OTUD5: variants seen among roughly 807,000 people sequenced by gnomAD.
OTUD5 encodes OTU domain-containing protein 5.
Under a neutral mutation model 36.3 loss-of-function variants are expected in OTUD5, and 2 were observed. The observed-to-expected ratio is 0.06, with a 90% CI of 0.02 to 0.17. OTUD5 has a LOEUF of 0.17. Ranked by LOEUF, OTUD5 falls within the 10% of genes least tolerant of loss-of-function variation. OTUD5 has a pLI of 1.00. For synonymous variants in OTUD5, 234 were observed against 214.9 expected (o/e 1.09, Z -0.78); for missense variants, 233 against 512.3 (o/e 0.45, Z 5.26).
intron 1 of OTUD5, among the ~76,000 whole-genome samples, chrX:48,948,057 C>G (rs1301017529): frequency 1.8e-5 from 2 of 112,633 alleles, no homozygotes; most frequent in Non-Finnish European, 3.8e-5. Context: ...TTTACAAAGG[C>G]AGAAAGGAGG....
At chrX:48,946,992 A>T (rs1338733192) in intron 1 of OTUD5, among the ~76,000 whole-genome samples, 1 of 112,311 alleles carries the variant, frequency 8.9e-6, no homozygotes, top group Non-Finnish European at 1.9e-5. Context: ...CACTCTTGAT[A>T]AGCTCACAAA....
At chrX:48,946,820 G>C (rs924462658) in intron 1 of OTUD5, among the ~76,000 whole-genome samples, 25 of 112,346 alleles carry the variant, frequency 2.2e-4, no homozygotes, top group Admixed American at 3.8e-4. Context: ...AGGGAACACA[G>C]CGACTTCCTG....
chrX:48,947,241 G>A (rs1325956122), intron 1 of OTUD5, among the ~76,000 whole-genome samples: 3 of 110,941 alleles, frequency 2.7e-5, no homozygotes, highest in Non-Finnish European at 3.8e-5. Context: ...AAAATTAACT[G>A]GGCATGGTGG....
rs2063659834 is a variant in OTUD5 at position 48,925,941 on chromosome X, T to C, written c.1169A>G (p.Asn390Ser). ...KKRATDWEATNEAIEEQVARE... is the reference protein window; with the variant it reads ...KKRATDWEATSEAIEEQVARE... ...AGCCACCTGCTCCTCGATGGCTTCA[T>C]TTGTGGCCTCCCAGTCTGTGGCCCG... Residue 390 changes from asparagine (N) to serine (S), a missense_variant, in exon 6 of 9, where the codon AAT becomes AGT. Coordinates refer to ENST00000376488, the MANE Select transcript of OTUD5 (RefSeq NM_001136157.2). 3 of 1,207,995 alleles carry C rather than the reference T, an allele frequency of 2.5e-6. No individual in the cohort carries two copies. The African/African-American group carries it at 5.3e-5, about 21-fold the overall frequency.
At chrX:48,955,369 C>G (rs782069874) in intron 1 of OTUD5, among the ~76,000 whole-genome samples, 1 of 111,418 alleles carries the variant, frequency 9.0e-6, no homozygotes, top group Non-Finnish European at 1.9e-5. Context: ...GGACCCTGTT[C>G]CACAGGGATC....
rs1487698697 is a variant in OTUD5, at chrX:48,934,327, T to TC, written c.1059+136_1059+137insG. 18 of 451,153 alleles carry TC rather than the reference T, an allele frequency of 4.0e-5. No individual in the cohort carries two copies. The African/African-American group carries it at 4.5e-4, about 11-fold the overall frequency. 37.2% of individuals were successfully genotyped at this position (451,153 alleles called of 1,213,427 possible). A position where few individuals can be genotyped will look rare whatever the true frequency, so the allele number is the denominator to read the frequency against. On this transcript the variant is annotated intron_variant, in intron 5 of 8. Transcript: ENST00000376488. ...CACCTTAAGTAACTCCCTATTTTTT[T>TC]TTTTTTTTTTGTAAGGGTGAGACCT...
rs1557046766 is a variant in OTUD5 at position 48,923,309 on chromosome X, G to A, written c.1580-14C>T. On this transcript the variant is annotated splice_polypyrimidine_tract_variant and intron_variant, in intron 8 of 8. Transcript: ENST00000376488. ...AGTCATTCAGACCTGCTGGGCGAGA[G>A]GAAGAGGAAAAGGATGATGGAGCGC... The A allele has an allele frequency of 8.4e-7, 1 of 1,186,544 alleles. No homozygotes were observed. The highest frequency in any genetic ancestry group is 1.1e-6 in the Non-Finnish European group (1 of 873,824).
chrX:48,942,293 G>T (rs2063944856), intron 2 of OTUD5, among the ~76,000 whole-genome samples: 1 of 38,196 alleles, frequency 2.6e-5, no homozygotes. Flanking sequence ...AGAACAGCTA[G>T]CTAGATACAC....
chrX:48,958,360 G>A (rs1435049841), upstream of OTUD5: 1 of 112,436 alleles, frequency 8.9e-6, no homozygotes, highest in Admixed American at 9.3e-5. Flanking sequence ...ACACTCCCGG[G>A]AGCATAGCTG....
At chrX:48,952,091 A>C (rs1474796515) in intron 1 of OTUD5, among the ~76,000 whole-genome samples, 1 of 112,057 alleles carries the variant, frequency 8.9e-6, no homozygotes, top group Non-Finnish European at 1.9e-5. Flanking sequence ...AAACCAAAAA[A>C]CAAAAAAACC....
chrX:48,956,783 G>A (rs1225855868), intron 1 of OTUD5, among the ~76,000 whole-genome samples, 194 bp downstream of exon 1: 5 of 111,060 alleles, frequency 4.5e-5, no homozygotes, highest in Non-Finnish European at 7.6e-5. Context: ...ACACCTTACC[G>A]TAGGCCTCTA....
At chrX:48,957,749 C>CGGT (rs879956456), upstream of OTUD5, 512 of 782,821 alleles carry the variant, frequency 6.5e-4, 2 homozygotes, top group Non-Finnish European at 6.8e-4. Flanking sequence ...GCGGCGGCGG[C>CGGT]GGTGGCGGCG....
At chrX:48,943,128 G>A (rs1316855790) in intron 2 of OTUD5, among the ~76,000 whole-genome samples, 1 of 111,560 alleles carries the variant, frequency 9.0e-6, no homozygotes, top group African/African-American at 3.3e-5. Flanking sequence ...CTAGAAGGTA[G>A]GTCTTCTGAC....
intron 2 of OTUD5, chrX:48,939,936 G>A (rs2063892696): frequency 8.8e-6 from 1 of 113,270 alleles, no homozygotes; most frequent in Non-Finnish European, 1.9e-5. Flanking sequence ...GGCAAAAAAG[G>A]AAGCTAGGTG....
chrX:48,956,890 C>A, intron 1 of OTUD5, 87 bp downstream of exon 1: 1 of 961,164 alleles, frequency 1.0e-6, no homozygotes, highest in Non-Finnish European at 1.4e-6. Context: ...TCCCTTGGGG[C>A]GATCTCAAAC....
chrX:48,935,832 G>A (rs2063820944), intron 2 of OTUD5, among the ~76,000 whole-genome samples: 1 of 106,385 alleles, frequency 9.4e-6, no homozygotes, highest in Non-Finnish European at 1.9e-5. Context: ...CCAGCTACTT[G>A]GGAGGCTGAA....
intron 5 of OTUD5, among the ~76,000 whole-genome samples, chrX:48,929,630 A>G (rs1256939220): frequency 9.2e-6 from 1 of 109,150 alleles, no homozygotes; most frequent in Non-Finnish European, 1.9e-5. Flanking sequence ...CTGAGGCACG[A>G]GAATTGCTTG....
At chrX:48,951,390 G>A (rs1374157566) in intron 1 of OTUD5, among the ~76,000 whole-genome samples, 6 of 110,502 alleles carry the variant, frequency 5.4e-5, no homozygotes, top group Admixed American at 9.5e-5. Context: ...CGAGGTGGGC[G>A]GATCACGAAG....
At chrX:48,943,908 T>C (rs1291735756) in intron 2 of OTUD5, among the ~76,000 whole-genome samples, 1 of 112,036 alleles carries the variant, frequency 8.9e-6, no homozygotes, top group African/African-American at 3.2e-5. Flanking sequence ...TCACCTAGCT[T>C]AGAGGGGAAT....
Sources: gnomAD v4.1 joint callset for allele counts (sites outside exome capture counted in the v4.1 genomes callset) on GRCh38, gnomAD v4.1.1 for gene constraint, MANE v1.5 for transcripts, NCBI Gene and HGNC (gene_info 2026-07-23, HGNC 2026-07-21) for gene names.